NLGN3: variants seen among roughly 807,000 people sequenced by gnomAD.
NLGN3 encodes neuroligin-3.
In NLGN3, 11 loss-of-function variants were observed where a neutral mutation model predicts 42.9. That is an observed-to-expected ratio of 0.26 (90% CI 0.16 to 0.42). The LOEUF (loss-of-function observed/expected upper bound fraction) is 0.42, where lower values mean the gene tolerates loss of function less well. Ranked by LOEUF, NLGN3 falls within the 10% of genes least tolerant of loss-of-function variation. NLGN3 has a pLI of 1.00. For missense variants in NLGN3, 374 were observed against 733.8 expected, an observed-to-expected ratio of 0.51 and a Z score of 5.67; for synonymous variants, 279 against 312.7, an observed-to-expected ratio of 0.89 and a Z score of 1.14.
chrX:71,146,044 C>T (rs1273079617), intron 1 of NLGN3, among the ~76,000 whole-genome samples: 1 of 99,539 alleles, frequency 1.0e-5, no homozygotes, highest in Non-Finnish European at 2.0e-5. Flanking sequence ...ACCCCCCATA[C>T]TTTGCTCCCC....
intron 5 of NLGN3, 102 bp from the exon 6 acceptor site, chrX:71,164,041 T>C: frequency 1.4e-6 from 1 of 735,095 alleles, no homozygotes; most frequent in Non-Finnish European, 2.1e-6. Flanking sequence ...CACTGCGTGC[T>C]CATTCTCTAT....
chrX:71,169,180 G>A, intron 7 of NLGN3, 74 bp from the exon 8 acceptor site: 1 of 1,133,572 alleles, frequency 8.8e-7, no homozygotes, highest in Non-Finnish European at 1.2e-6. Context: ...AGGTTTGGCT[G>A]TCAGAGGAAA....
downstream of NLGN3, among the ~76,000 whole-genome samples, chrX:71,172,641 T>C (rs73217043): frequency 0.14 from 15,671 of 109,256 alleles, 1,104 homozygotes; most frequent in Middle Eastern, 0.43. Context: ...TGTGTGTGTG[T>C]GTGTGTGTGT....
intron 7 of NLGN3, 125 bp downstream of exon 7, chrX:71,167,925 C>CA (rs1158697825): frequency 1.7e-6 from 1 of 585,231 alleles, no homozygotes; most frequent in Non-Finnish European, 2.9e-6. Context: ...CTTGGTACCC[C>CA]TTCACTCATC....
intron 5 of NLGN3, among the ~76,000 whole-genome samples, chrX:71,163,354 AAC>A (rs1204403465): frequency 8.9e-6 from 1 of 112,111 alleles, no homozygotes; most frequent in African/African-American, 3.2e-5. Context: ...GCTTGTTAAA[AAC>A]ACAGATTGCT....
chrX:71,172,497 G>A (rs1443678720), downstream of NLGN3, among the ~76,000 whole-genome samples: 1 of 111,546 alleles, frequency 9.0e-6, no homozygotes, highest in African/African-American at 3.3e-5. Context: ...ACCTGCCATT[G>A]GTCATACCTT....
downstream of NLGN3, chrX:71,171,265 G>C: frequency 2.8e-6 from 2 of 716,970 alleles, no homozygotes; most frequent in Non-Finnish European, 3.3e-6. Context: ...TGCGGGCTGG[G>C]AATCAGGCAA....
chrX:71,156,620 G>A (rs2092410094), intron 5 of NLGN3, among the ~76,000 whole-genome samples: 1 of 109,327 alleles, frequency 9.1e-6, no homozygotes, highest in East Asian at 2.9e-4. Flanking sequence ...ATACACATCC[G>A]TGTACATGGG....
intron 6 of NLGN3, among the ~76,000 whole-genome samples, chrX:71,165,049 T>A (rs1254851169): frequency 8.9e-6 from 1 of 112,087 alleles, no homozygotes; most frequent in Non-Finnish European, 1.9e-5. Flanking sequence ...GAGCTTCTCA[T>A]GAAGAAAAGA....
At chrX:71,163,412 G>A (rs1210874448) in intron 5 of NLGN3, among the ~76,000 whole-genome samples, 3 of 111,684 alleles carry the variant, frequency 2.7e-5, no homozygotes, top group Non-Finnish European at 5.7e-5. Context: ...CCAAGGGAGG[G>A]AAATGAGGAC....
intron 3 of NLGN3, among the ~76,000 whole-genome samples, chrX:71,151,864 C>T (rs1034147222): frequency 5.4e-5 from 6 of 111,818 alleles, no homozygotes; most frequent in South Asian, 3.7e-4. Context: ...GTAGGCTGTC[C>T]GCAGTGTGAG....
rs755217779 is a variant in NLGN3, at chrX:71,169,756, C to T, written c.2206C>T (p.Arg736Trp). The change falls in exon 8 of 8, where the codon CGG becomes TGG. Residue 736 changes from arginine (R) to tryptophan (W), a missense_variant. Coordinates refer to ENST00000358741, the MANE Select transcript of NLGN3 (RefSeq NM_181303.2). ...TGCCCTCTACTACCGTAAGGACAAA[C>T]GGCGCCAGGAGCCCCTGCGGCAGCC... ...FAALYYRKDK[R>W]RQEPLRQPSP... The T allele has an allele frequency of 5.0e-6, 6 of 1,210,054 alleles. No individual in the cohort carries two copies. The highest frequency in any genetic ancestry group is 3.5e-5 in the South Asian group (2 of 56,781).
rs150821037 is a variant in NLGN3 at position 71,147,090 on chromosome X, G to T, written c.-200-460G>T. Among the ~76,000 whole-genome samples, 991 of 111,384 alleles carry T rather than the reference G, an allele frequency of 8.9e-3. 7 individuals carry two copies. Among genetic ancestry groups the T allele is most frequent in the African/African-American group, 0.031 (955 of 30,603 alleles). On this transcript the variant is annotated intron_variant, in intron 1 of 7. Transcript: ENST00000358741. ...TGCTGCTTTCTGTTCTTGTGTCTTA[G>T]TGTCCCGGAGTGAGGTTGACAATCC...
intron 7 of NLGN3, among the ~76,000 whole-genome samples, chrX:71,168,792 AAG>A (rs1398423574): frequency 3.3e-5 from 3 of 90,885 alleles, no homozygotes; most frequent in Admixed American, 1.3e-4. Context: ...GAAAGAAAGA[AAG>A]AGAGAGAAAG....
Position 71,148,896 on chromosome X carries a change from A to G in NLGN3, c.508A>G (p.Arg170Gly), listed in dbSNP as rs1602314436. 5 of 1,115,453 alleles carry G rather than the reference A, an allele frequency of 4.5e-6. No individual in the cohort carries two copies. The highest frequency in any genetic ancestry group is 5.9e-6 in the Non-Finnish European group (5 of 841,856). The allele number at this position is 1,115,453 out of a possible 1,213,427, so 91.9% of individuals were successfully genotyped here. A position where few individuals can be genotyped will look rare whatever the true frequency, so the allele number is the denominator to read the frequency against. ...CARKPNKKICRKGGSGAKKQG... is the reference protein window; with the variant it reads ...CARKPNKKICGKGGSGAKKQG... ...CCGAAAGCCCAACAAGAAAATTTGTAGGAAAGGAGGTAGGTAGCGAGCCGG... is the reference window on the plus strand; with the variant it reads ...CCGAAAGCCCAACAAGAAAATTTGTGGGAAAGGAGGTAGGTAGCGAGCCGG... The change falls in exon 3 of 8, where the codon AGG (arginine) becomes GGG (glycine). Residue 170 changes from arginine (R) to glycine (G), a missense_variant. Arg to Gly is a moderately radical substitution (Grantham distance 125, BLOSUM62 -2). Transcript: ENST00000358741.
chrX:71,160,562 G>T (rs1602323855), intron 5 of NLGN3, among the ~76,000 whole-genome samples: 1 of 112,231 alleles, frequency 8.9e-6, no homozygotes, highest in East Asian at 2.8e-4. Flanking sequence ...TGAATGTTGA[G>T]AATGTCACAG....
At chrX:71,163,250 G>A (rs758697711) in intron 5 of NLGN3, among the ~76,000 whole-genome samples, 32 of 111,679 alleles carry the variant, frequency 2.9e-4, no homozygotes, top group Non-Finnish European at 5.5e-4. Flanking sequence ...CTGTGGTAAC[G>A]CACTGCGCTA....
At chrX:71,159,890 ATTTT>A (rs748275369) in intron 5 of NLGN3, among the ~76,000 whole-genome samples, 4 of 50,407 alleles carry the variant, frequency 7.9e-5, no homozygotes, top group African/African-American at 1.7e-4. Flanking sequence ...ACGCCCAGCT[ATTTT>A]TTTTTTTTTT....
At chrX:71,175,041 T>TC (rs1398011176), downstream of NLGN3, among the ~76,000 whole-genome samples, 1 of 111,917 alleles carries the variant, frequency 8.9e-6, no homozygotes, top group Non-Finnish European at 1.9e-5. Flanking sequence ...TGCCCAGTGT[T>TC]CAGTTATGAG....
Sources: gnomAD v4.1 joint callset for allele counts (sites outside exome capture counted in the v4.1 genomes callset) on GRCh38, gnomAD v4.1.1 for gene constraint, MANE v1.5 for transcripts, NCBI Gene and HGNC (gene_info 2026-07-23, HGNC 2026-07-21) for gene names.